GRIN2A: variants seen among roughly 807,000 people sequenced by gnomAD.
GRIN2A encodes the protein glutamate receptor ionotropic, NMDA 2A.
In GRIN2A, 22 loss-of-function variants were observed where a neutral mutation model predicts 113.4. The ratio of observed to expected loss-of-function variants is 0.19; its 90% CI spans 0.14 to 0.28. The LOEUF (loss-of-function observed/expected upper bound fraction) is 0.28. Ranked by LOEUF, GRIN2A falls within the 10% of genes least tolerant of loss-of-function variation. The pLI is 1.00. For synonymous variants in GRIN2A, 827 were observed against 738.4 expected (o/e 1.12, Z -1.94); for missense variants, 1,502 against 1,887.0 (o/e 0.80, Z 3.78).
At chr16:10,045,128 A>C (rs1418639106) in intron 2 of GRIN2A, among the ~76,000 whole-genome samples, 3 of 152,210 alleles carry the variant, frequency 2.0e-5, no homozygotes, top group African/African-American at 7.2e-5. Context: ...AGTTGGTGAC[A>C]GTTCCTTGCC....
At chr16:10,107,029 G>A (rs901901536) in intron 2 of GRIN2A, among the ~76,000 whole-genome samples, 7 of 152,252 alleles carry the variant, frequency 4.6e-5, no homozygotes, top group African/African-American at 1.2e-4. Context: ...CAGCTCAGCT[G>A]GCTTTGAATT....
rs181075941 is a variant in GRIN2A at position 9,856,928 on chromosome 16, T to C, written c.1123-6967A>G. Among the ~76,000 whole-genome samples the C allele has an allele frequency of 1.7e-3, 265 of 152,158 alleles. 1 individual carries two copies. The highest frequency in any genetic ancestry group is 4.7e-3 in the Admixed American group (72 of 15,270). On this transcript the variant is annotated intron_variant, in intron 4 of 12. Coordinates refer to ENST00000330684, the MANE Select transcript of GRIN2A (RefSeq NM_001134407.3). ...CTTTACAATGCAGAAATGTGACAGA[T>C]GTGATGTCAGCTCAATGGTCAAAGC...
In GRIN2A at chr16:9,757,358, CTTTT is replaced by C; in HGVS notation, c.*5787_*5790del. On this transcript the variant is annotated 3_prime_UTR_variant, in exon 13 of 13. Transcript: ENST00000330684. Reference sequence around the variant, plus strand: ...AGTTACTTAAAGGTTTAGGGAAGGACTTTTTTTTTTTTTTTAAAAAAGGTATGCT... The same window carrying C: ...AGTTACTTAAAGGTTTAGGGAAGGACTTTTTTTTTTTAAAAAAGGTATGCT... The C allele has an allele frequency of 5.1e-6, 1 of 194,844 alleles. No individual in the cohort carries two copies. The highest frequency in any genetic ancestry group is 7.7e-5 in the East Asian group (1 of 13,018). The allele number at this position is 194,844 out of a possible 1,614,324, so 12.1% of individuals were successfully genotyped here. A position where few individuals can be genotyped will look rare whatever the true frequency, so the allele number is the denominator to read the frequency against.
At chr16:9,967,705 C>CA (rs1003677366) in intron 2 of GRIN2A, among the ~76,000 whole-genome samples, 6 of 147,654 alleles carry the variant, frequency 4.1e-5, no homozygotes, top group South Asian at 2.2e-4. Context: ...GACTCCATCT[C>CA]AAAAAAAAAA....
intron 2 of GRIN2A, among the ~76,000 whole-genome samples, chr16:10,102,536 TC>T (rs2048420452): frequency 6.6e-6 from 1 of 152,118 alleles, no homozygotes; most frequent in Admixed American, 6.5e-5. Flanking sequence ...CTTCTTTTTT[TC>T]TTTTTTTTCT....
intron 2 of GRIN2A, among the ~76,000 whole-genome samples, chr16:10,172,939 C>G (rs967302768): frequency 3.9e-5 from 6 of 152,178 alleles, no homozygotes; most frequent in Non-Finnish European, 7.3e-5. Flanking sequence ...CTCTTTCTCT[C>G]TCTTTCCCCA....
chr16:9,890,692 C>G (rs1296478253), intron 4 of GRIN2A, among the ~76,000 whole-genome samples: 2 of 152,180 alleles, frequency 1.3e-5, no homozygotes, highest in Non-Finnish European at 2.9e-5. Flanking sequence ...TAGTGTAATG[C>G]TGCAACCCAG....
chr16:9,767,126 T>C (rs1900964130), intron 12 of GRIN2A, among the ~76,000 whole-genome samples: 1 of 152,224 alleles, frequency 6.6e-6, no homozygotes, highest in Non-Finnish European at 1.5e-5. Flanking sequence ...TAGCTTAAAG[T>C]TGGCATAATA....
chr16:9,893,633 A>T (rs1321270087), intron 3 of GRIN2A, among the ~76,000 whole-genome samples: 1 of 151,884 alleles, frequency 6.6e-6, no homozygotes, highest in Non-Finnish European at 1.5e-5. Context: ...TGCCCAGCTA[A>T]TTTTTGTATT....
At chr16:9,942,754 G>A (rs1278918445) in intron 2 of GRIN2A, among the ~76,000 whole-genome samples, 2 of 152,098 alleles carry the variant, frequency 1.3e-5, no homozygotes, top group African/African-American at 2.4e-5. Flanking sequence ...TTTCCATACA[G>A]CAATGAATCC....
chr16:9,764,447 G>A lies in GRIN2A; in HGVS notation c.3097C>T (p.Gln1033Ter). The A allele has an allele frequency of 6.2e-7, 1 of 1,614,050 alleles. No homozygotes were observed. Among genetic ancestry groups the A allele is most frequent in the Non-Finnish European group, 8.5e-7 (1 of 1,179,988 alleles). Residue 1033 changes from glutamine (Q) to a stop codon, truncating the protein, a stop_gained, in exon 13 of 13, where the codon CAG (glutamine) becomes TAG (stop). Transcript: ENST00000330684. LOFTEE classifies it high-confidence loss of function. ...TTCTCTGCTGTTGCCTCATCCCTCTGGGAGACTGGATTCTGGGATAGTGAA... is the reference window on the plus strand; with the variant it reads ...TTCTCTGCTGTTGCCTCATCCCTCTAGGAGACTGGATTCTGGGATAGTGAA... ...QDSLSQNPVS[Q>*]RDEATAENRT...
intron 3 of GRIN2A, among the ~76,000 whole-genome samples, chr16:9,907,654 GAAAAT>G (rs2044052907): frequency 6.6e-6 from 1 of 152,004 alleles, no homozygotes; most frequent in African/African-American, 2.4e-5. Flanking sequence ...AAAAATAAAA[GAAAAT>G]AAAGCAAAAT....
At chr16:9,789,648 C>T (rs1490150690) in intron 11 of GRIN2A, among the ~76,000 whole-genome samples, 2 of 152,078 alleles carry the variant, frequency 1.3e-5, no homozygotes, top group African/African-American at 4.8e-5. Context: ...AGGACTGCAG[C>T]AGCAAGTTTA....
intron 2 of GRIN2A, among the ~76,000 whole-genome samples, chr16:10,086,835 T>C (rs1241470470): frequency 6.6e-6 from 1 of 152,102 alleles, no homozygotes; most frequent in Non-Finnish European, 1.5e-5. Flanking sequence ...ATGACACTCA[T>C]GGTAAGCTCT....
intron 2 of GRIN2A, among the ~76,000 whole-genome samples, chr16:10,034,529 A>G (rs74666768): frequency 0.15 from 21,511 of 138,968 alleles, 1,111 homozygotes; most frequent in East Asian, 0.31. Context: ...CCACGTCAAA[A>G]AAAAGCAAAA....
chr16:10,126,300 A>G (rs926000498), intron 2 of GRIN2A, among the ~76,000 whole-genome samples: 1 of 151,894 alleles, frequency 6.6e-6, no homozygotes, highest in Non-Finnish European at 1.5e-5. Flanking sequence ...GAAACAGACT[A>G]CAGGCGTGCA....
chr16:10,005,277 A>G (rs1257238647), intron 2 of GRIN2A, among the ~76,000 whole-genome samples: 1 of 152,258 alleles, frequency 6.6e-6, no homozygotes, highest in Admixed American at 6.5e-5. Flanking sequence ...AGCTACTTAT[A>G]TTCTGGGCCA....
intron 11 of GRIN2A, among the ~76,000 whole-genome samples, chr16:9,788,878 G>A (rs1369790193): frequency 1.3e-5 from 2 of 151,824 alleles, no homozygotes; most frequent in East Asian, 3.9e-4. Context: ...GAGTAGCTGG[G>A]ACTACAGGCA....
rs55885632 is a variant in GRIN2A at position 9,938,129 on chromosome 16, G to A, written c.837C>T (p.Val279=). Residue 279 remains valine, a synonymous_variant, in exon 3 of 13, where the codon GTC becomes GTT. Coordinates refer to ENST00000330684, the MANE Select transcript of GRIN2A (RefSeq NM_001134407.3). ...GGCTGTAGTCCCAGTCATCGTAGGA[G>A]ACAGAAATGAGTCCCGATGGAAACT... ...PKEFPSGLIS[V]SYDDWDYSLE... is the part of the protein sequence containing the mutation. 6.2e-7 allele frequency: 1 copy of A among 1,614,126 alleles called. No individual in the cohort carries two copies. Among genetic ancestry groups the A allele is most frequent in the Admixed American group, 1.7e-5 (1 of 60,024 alleles).
Sources: gnomAD v4.1 joint callset for allele counts (sites outside exome capture counted in the v4.1 genomes callset) on GRCh38, gnomAD v4.1.1 for gene constraint, MANE v1.5 for transcripts, NCBI Gene and HGNC (gene_info 2026-07-23, HGNC 2026-07-21) for gene names.